HS3ST5: variants seen among roughly 807,000 people sequenced by gnomAD.
HS3ST5 encodes the protein heparan sulfate-glucosamine 3-sulfotransferase 5.
Under a neutral mutation model 25.4 loss-of-function variants are expected in HS3ST5, and 10 were observed. The observed-to-expected ratio is 0.39, with a 90% CI of 0.24 to 0.67. HS3ST5 has a LOEUF of 0.67. Ranked by LOEUF, HS3ST5 falls within the 30% of genes least tolerant of loss-of-function variation. The probability of loss-of-function intolerance (pLI) is 0.44; values close to 1 mark genes in which losing one functional copy is unlikely to be tolerated. For missense variants in HS3ST5, 324 were observed against 420.7 expected, an observed-to-expected ratio of 0.77 and a Z score of 2.01; for synonymous variants, 170 against 162.4, an observed-to-expected ratio of 1.05 and a Z score of -0.36.
rs1562176182 is a variant in HS3ST5, at chr6:114,056,459, CAT to C, written c.*796_*797del. The C allele has an allele frequency of 6.6e-6, 1 of 151,088 alleles. No individual in the cohort carries two copies. Among genetic ancestry groups the C allele is most frequent in the African/African-American group, 2.4e-5 (1 of 41,100 alleles). 9.4% of individuals were successfully genotyped at this position (151,088 alleles called of 1,614,324 possible). A position where few individuals can be genotyped will look rare whatever the true frequency, so the allele number is the denominator to read the frequency against. On this transcript the variant is annotated 3_prime_UTR_variant, in exon 5 of 5. Transcript: ENST00000312719. ...ATGAGTAAAAAAAAAAAAAATTGCA[CAT>C]AGAGTAATTTTAATCCATTCCATTT...
intron 1 of HS3ST5, among the ~76,000 whole-genome samples, chr6:114,333,987 C>T (rs555249907): frequency 6.6e-6 from 1 of 152,148 alleles, no homozygotes; most frequent in Non-Finnish European, 1.5e-5. Context: ...ACCTTGTACC[C>T]GTCTTGTGCT....
At chr6:114,262,333 T>C (rs1969766) in intron 1 of HS3ST5, among the ~76,000 whole-genome samples, 1 of 151,936 alleles carries the variant, frequency 6.6e-6, no homozygotes, top group Non-Finnish European at 1.5e-5. Context: ...TGATCACAAG[T>C]TCAGGAGATC....
At chr6:114,178,173 AC>A (rs1187453180) in intron 2 of HS3ST5, among the ~76,000 whole-genome samples, 1 of 152,200 alleles carries the variant, frequency 6.6e-6, no homozygotes, top group Non-Finnish European at 1.5e-5. Context: ...AACAAAGGTT[AC>A]CCCAAAATAA....
intron 2 of HS3ST5, among the ~76,000 whole-genome samples, chr6:114,200,244 ATG>A (rs1231039978): frequency 3.3e-5 from 5 of 152,036 alleles, no homozygotes; most frequent in African/African-American, 1.2e-4. Context: ...CAAAAACAAA[ATG>A]AGGTTTGTTT....
At chr6:114,177,604 C>T (rs1779784148) in intron 2 of HS3ST5, among the ~76,000 whole-genome samples, 1 of 152,106 alleles carries the variant, frequency 6.6e-6, no homozygotes, top group African/African-American at 2.4e-5. Flanking sequence ...ATTGGTTTCA[C>T]AAGAATAAAA....
intron 2 of HS3ST5, among the ~76,000 whole-genome samples, chr6:114,179,643 T>C (rs1779871244): frequency 6.8e-6 from 1 of 146,692 alleles, no homozygotes; most frequent in Non-Finnish European, 1.5e-5. Flanking sequence ...TAAACCCTTG[T>C]ATTAGTCAGG....
At chr6:114,193,568 C>T (rs567224991) in intron 2 of HS3ST5, among the ~76,000 whole-genome samples, 18 of 152,218 alleles carry the variant, frequency 1.2e-4, no homozygotes, top group African/African-American at 3.4e-4. Context: ...TGAACAAATT[C>T]GTTATTAATT....
chr6:114,066,827 G>C (rs1161566692), intron 3 of HS3ST5, among the ~76,000 whole-genome samples: 1 of 152,040 alleles, frequency 6.6e-6, no homozygotes, highest in African/African-American at 2.4e-5. Flanking sequence ...TGCTCCCCTT[G>C]TTCATTTTCT....
intron 3 of HS3ST5, among the ~76,000 whole-genome samples, chr6:114,139,433 T>C (rs944870209): frequency 6.6e-6 from 1 of 151,836 alleles, no homozygotes; most frequent in African/African-American, 2.4e-5. Flanking sequence ...AGAGTGTGCG[T>C]TTGTTGATCA....
intron 1 of HS3ST5, among the ~76,000 whole-genome samples, chr6:114,321,634 G>GT (rs1177663820): frequency 1.3e-5 from 2 of 151,942 alleles, no homozygotes; most frequent in Non-Finnish European, 2.9e-5. Flanking sequence ...ATAAATGAAG[G>GT]TTTTTTTCAC....
intron 2 of HS3ST5, among the ~76,000 whole-genome samples, chr6:114,212,979 C>T (rs1348667221): frequency 2.0e-5 from 3 of 152,154 alleles, no homozygotes; most frequent in East Asian, 1.9e-4. Context: ...CTCAATGTGA[C>T]AGCCTTCTGT....
intron 1 of HS3ST5, among the ~76,000 whole-genome samples, chr6:114,261,123 C>T (rs77020088): frequency 0.016 from 2,365 of 151,718 alleles, 74 homozygotes; most frequent in African/African-American, 0.053. Context: ...ATGAGGAGTG[C>T]GCAACAGTGC....
At chr6:114,337,526 G>A (rs1309929638) in intron 1 of HS3ST5, among the ~76,000 whole-genome samples, 3 of 152,098 alleles carry the variant, frequency 2.0e-5, no homozygotes, top group Non-Finnish European at 4.4e-5. Context: ...TATGGCATCG[G>A]TTCTTAAAGT....
chr6:114,149,206 T>A (rs1336304304), intron 3 of HS3ST5, among the ~76,000 whole-genome samples: 1 of 152,182 alleles, frequency 6.6e-6, no homozygotes, highest in Non-Finnish European at 1.5e-5. Flanking sequence ...AGAAATACCA[T>A]TTGACTCAGC....
intron 3 of HS3ST5, among the ~76,000 whole-genome samples, chr6:114,088,608 A>G (rs181132254): frequency 4.9e-4 from 74 of 152,264 alleles, no homozygotes; most frequent in African/African-American, 1.6e-3. Flanking sequence ...TGATACACCT[A>G]TCTGCATATG....
chr6:114,333,873 A>G (rs765780945), intron 1 of HS3ST5, among the ~76,000 whole-genome samples: 1 of 152,198 alleles, frequency 6.6e-6, no homozygotes, highest in Non-Finnish European at 1.5e-5. Flanking sequence ...CATCTAGTCT[A>G]GATTTGGAAA....
At chr6:114,070,050 C>T (rs1773719704) in intron 3 of HS3ST5, among the ~76,000 whole-genome samples, 1 of 152,072 alleles carries the variant, frequency 6.6e-6, no homozygotes, top group Non-Finnish European at 1.5e-5. Context: ...GGTACGCAAG[C>T]AGTGTACACT....
intron 1 of HS3ST5, among the ~76,000 whole-genome samples, chr6:114,341,222 G>GGAGAGAGAGAGAGAGAGGGGGAGA (rs1776841937): frequency 4.3e-5 from 2 of 46,634 alleles, no homozygotes; most frequent in African/African-American, 2.5e-4. Context: ...GGAGAGAGGG[G>GGAGAGAGAGAGAGAGAGGGGGAGA]GAGAGAGAGA....
intron 2 of HS3ST5, among the ~76,000 whole-genome samples, chr6:114,224,647 ATAAAG>A (rs1299818404): frequency 1.3e-5 from 2 of 150,986 alleles, no homozygotes; most frequent in African/African-American, 4.9e-5. Context: ...GATATTGAGA[ATAAAG>A]TAATCAAATA....
Sources: allele counts gnomAD v4.1 joint callset (sites outside exome capture counted in the v4.1 genomes callset), GRCh38; gene constraint gnomAD v4.1.1; transcripts MANE v1.5; gene names NCBI Gene and HGNC (gene_info 2026-07-23, HGNC 2026-07-21).